PIK3C2A: variants seen among roughly 807,000 people sequenced by gnomAD.
PIK3C2A encodes the protein phosphatidylinositol 4-phosphate 3-kinase C2 domain-containing subunit alpha.
A neutral mutation model predicts 204.5 loss-of-function variants in PIK3C2A; 97 were observed. That is an observed-to-expected ratio of 0.47 (90% confidence interval 0.40 to 0.56). The LOEUF (loss-of-function observed/expected upper bound fraction) is 0.56, where lower values mean the gene tolerates loss of function less well. Ranked by LOEUF, PIK3C2A falls within the 20% of genes least tolerant of loss-of-function variation. PIK3C2A has a pLI of 0.00. For synonymous variants in PIK3C2A, 653 were observed against 664.4 expected (o/e 0.98, Z 0.26); for missense variants, 1,735 against 1,969.2 (o/e 0.88, Z 2.25).
chr11:17,097,786 C>A (rs1037424960), intron 26 of PIK3C2A, among the ~76,000 whole-genome samples: 2 of 151,994 alleles, frequency 1.3e-5, no homozygotes, highest in Non-Finnish European at 2.9e-5. Flanking sequence ...TGGTGGTGTG[C>A]GCCTATAATC....
intron 25 of PIK3C2A, among the ~76,000 whole-genome samples, chr11:17,100,253 G>GGGC (rs1848583716): frequency 8.1e-6 from 1 of 122,758 alleles, no homozygotes; most frequent in Non-Finnish European, 1.7e-5. Flanking sequence ...TGGGGGCGGG[G>GGGC]GGGGGGGGCA....
chr11:17,117,708 GTTTTTTT>G (rs35485246), intron 18 of PIK3C2A, 37 bp from the exon 19 acceptor site: 43 of 319,472 alleles, frequency 1.3e-4, no homozygotes, highest in African/African-American at 6.2e-4. Flanking sequence ...TCACGTCTTG[GTTTTTTT>G]TTTTTTTTTT....
intron 8 of PIK3C2A, among the ~76,000 whole-genome samples, chr11:17,140,722 GAT>G (rs1038746119): frequency 4.6e-5 from 7 of 152,178 alleles, no homozygotes; most frequent in Admixed American, 2.6e-4. Flanking sequence ...TCTAAAACTG[GAT>G]TGTGGTGATA....
intron 19 of PIK3C2A, 110 bp from the exon 20 acceptor site, chr11:17,114,575 AAAAAAAGGTTGTTAC>A: frequency 1.7e-6 from 1 of 572,946 alleles, no homozygotes. Flanking sequence ...TCAAACGGTG[AAAAAAAGGTTGTTAC>A]TAAAGAGAGT....
chr11:17,202,148 C>A (rs986854240), intron 1 of PIK3C2A, among the ~76,000 whole-genome samples: 2 of 150,806 alleles, frequency 1.3e-5, no homozygotes, highest in Admixed American at 6.6e-5. Flanking sequence ...CCCAGCTACT[C>A]GGGAGGCTGA....
intron 32 of PIK3C2A, among the ~76,000 whole-genome samples, chr11:17,090,331 G>T (rs1228914762): frequency 1.3e-5 from 2 of 152,174 alleles, no homozygotes; most frequent in Non-Finnish European, 2.9e-5. Context: ...GCCAGGCGTG[G>T]TGGCACATGC....
intron 15 of PIK3C2A, 136 bp from the exon 16 acceptor site, chr11:17,120,110 T>C (rs1016621387): frequency 2.0e-6 from 1 of 502,116 alleles, no homozygotes; most frequent in Non-Finnish European, 3.4e-6. Context: ...TAATTTGGAA[T>C]AGAAAAATGC....
At chr11:17,125,004 T>C (rs537668328) in intron 13 of PIK3C2A, among the ~76,000 whole-genome samples, 162 of 152,342 alleles carry the variant, frequency 1.1e-3, no homozygotes, top group African/African-American at 3.7e-3. Context: ...GTTGGTATTG[T>C]ATACTACTTC....
Position 17,087,437 on chromosome 11 carries a change from A to T in PIK3C2A, c.*2301T>A, listed in dbSNP as rs1848187794. The T allele has an allele frequency of 6.6e-6, 1 of 152,178 alleles. No individual in the cohort carries two copies. Among genetic ancestry groups the T allele is most frequent in the African/African-American group, 2.4e-5 (1 of 41,450 alleles). The allele number at this position is 152,178 out of a possible 1,614,324, so 9.4% of individuals were successfully genotyped here. A position where few individuals can be genotyped will look rare whatever the true frequency, so the allele number is the denominator to read the frequency against. On this transcript the variant is annotated 3_prime_UTR_variant, in exon 33 of 33. Transcript: ENST00000691414. ...CACAAAATGAGTTAAATTAAGAGAA[A>T]ACATTACCACTTGTTCTGAACTCTT...
At chr11:17,155,387 G>A (rs1282512574) in intron 3 of PIK3C2A, 139 bp downstream of exon 3, 6 of 538,238 alleles carry the variant, frequency 1.1e-5, no homozygotes, top group Admixed American at 6.3e-5. Flanking sequence ...TTGTGATAAC[G>A]TGCCAATTAA....
rs192651165 is a variant in PIK3C2A, at chr11:17,113,512, C to T, written c.3322-846G>A. Among the ~76,000 whole-genome samples, 376 of 152,018 alleles carry T rather than the reference C, an allele frequency of 2.5e-3. 1 individual carries two copies. Among genetic ancestry groups the T allele is most frequent in the Non-Finnish European group, 4.2e-3 (283 of 68,004 alleles). ...TCAAATCTTACTTTTAAAATGAAACCGACTAAAAAGCTAATTTAAGACAGT... is the reference window on the plus strand; with the variant it reads ...TCAAATCTTACTTTTAAAATGAAACTGACTAAAAAGCTAATTTAAGACAGT... On this transcript the variant is annotated intron_variant, in intron 20 of 32. Transcript: ENST00000691414.
intron 2 of PIK3C2A, among the ~76,000 whole-genome samples, chr11:17,157,971 T>C (rs1451664938): frequency 6.6e-6 from 1 of 152,194 alleles, no homozygotes; most frequent in African/African-American, 2.4e-5. Flanking sequence ...ATCCTGTTCC[T>C]ATAAAACACA....
intron 31 of PIK3C2A, 36 bp from the exon 32 acceptor site, chr11:17,091,495 C>A (rs1848309769): frequency 6.2e-7 from 1 of 1,609,356 alleles, no homozygotes; most frequent in Admixed American, 1.7e-5. Context: ...AGTAATGCTT[C>A]CTACCAAGGT....
intron 21 of PIK3C2A, among the ~76,000 whole-genome samples, chr11:17,112,075 A>T (rs1474754980): frequency 6.6e-6 from 1 of 152,170 alleles, no homozygotes; most frequent in South Asian, 2.1e-4. Flanking sequence ...AGCAATCTTT[A>T]TGAACCTCCA....
At chr11:17,203,744 T>C (rs1014508087) in intron 1 of PIK3C2A, among the ~76,000 whole-genome samples, 9 of 152,056 alleles carry the variant, frequency 5.9e-5, no homozygotes, top group Admixed American at 1.3e-4. Context: ...GTGGTGATCA[T>C]AGCTCACTGC....
At chr11:17,137,741 A>C (rs1177314560) in intron 8 of PIK3C2A, among the ~76,000 whole-genome samples, 1 of 152,062 alleles carries the variant, frequency 6.6e-6, no homozygotes, top group Admixed American at 6.5e-5. Flanking sequence ...TTATCAATTT[A>C]TTGTCTATCA....
intron 22 of PIK3C2A, among the ~76,000 whole-genome samples, chr11:17,105,797 C>G (rs1848791811): frequency 1.3e-5 from 2 of 152,106 alleles, no homozygotes; most frequent in Non-Finnish European, 2.9e-5. Flanking sequence ...AACCAGCTAG[C>G]AATTGTTACC....
chr11:17,102,202 C>T (rs941543901), intron 24 of PIK3C2A, among the ~76,000 whole-genome samples: 9 of 151,982 alleles, frequency 5.9e-5, no homozygotes, highest in Non-Finnish European at 1.2e-4. Flanking sequence ...TTTGGGAGGC[C>T]GAGGCGGGTA....
chr11:17,173,686 G>A (rs1027971202), intron 1 of PIK3C2A, among the ~76,000 whole-genome samples: 2 of 152,290 alleles, frequency 1.3e-5, no homozygotes, highest in Non-Finnish European at 2.9e-5. Flanking sequence ...CTACCCAACA[G>A]ACTAAAATAA....
Sources: allele counts gnomAD v4.1 joint callset (sites outside exome capture counted in the v4.1 genomes callset), GRCh38; gene constraint gnomAD v4.1.1; transcripts MANE v1.5; gene names NCBI Gene and HGNC (gene_info 2026-07-23, HGNC 2026-07-21).